RIMS2: variants seen among roughly 807,000 people sequenced by gnomAD.
RIMS2 encodes regulating synaptic membrane exocytosis 2.
A neutral mutation model predicts 174.4 loss-of-function variants in RIMS2; 59 were observed. That is an observed-to-expected ratio of 0.34 (90% CI 0.27 to 0.42). The LOEUF (loss-of-function observed/expected upper bound fraction) is 0.42. RIMS2 is among the 10% of genes least tolerant of loss of function. The pLI is 1.00. For missense variants in RIMS2, 1,620 were observed against 1,666.3 expected (o/e 0.97, Z 0.48); for synonymous variants, 606 against 572.5 (o/e 1.06, Z -0.84).
At chr8:103,731,169 A>G (rs1479660474) in intron 2 of RIMS2, among the ~76,000 whole-genome samples, 3 of 152,174 alleles carry the variant, frequency 2.0e-5, no homozygotes, top group African/African-American at 4.8e-5. Context: ...TGTGGGAGCT[A>G]CAATTCATGG....
chr8:104,252,254 C>G (rs1469104884), downstream of RIMS2: 1 of 170,552 alleles, frequency 5.9e-6, no homozygotes, highest in East Asian at 1.6e-4. Flanking sequence ...GAGTGTAATC[C>G]TAGGAAGCAT....
intron 16 of RIMS2, among the ~76,000 whole-genome samples, chr8:103,986,196 A>G (rs1191497703): frequency 6.6e-6 from 1 of 152,196 alleles, no homozygotes; most frequent in Non-Finnish European, 1.5e-5. Flanking sequence ...TATACCATAA[A>G]TATGTGCAAT....
At chr8:104,100,801 TA>T (rs1566388568) in intron 19 of RIMS2, among the ~76,000 whole-genome samples, 1 of 142,026 alleles carries the variant, frequency 7.0e-6, no homozygotes, top group Non-Finnish European at 1.5e-5. Context: ...TCCTGTTATA[TA>T]TATATTATAT....
chr8:103,690,502 A>T (rs367929484), intron 1 of RIMS2, among the ~76,000 whole-genome samples: 10 of 152,328 alleles, frequency 6.6e-5, no homozygotes, highest in African/African-American at 2.4e-4. Flanking sequence ...GTTAATAAAT[A>T]ACATCTTAGA....
intron 1 of RIMS2, among the ~76,000 whole-genome samples, chr8:103,591,472 A>G (rs1257482574): frequency 6.6e-6 from 1 of 151,056 alleles, no homozygotes; most frequent in South Asian, 2.1e-4. Flanking sequence ...TGTTTTTTCT[A>G]GAATACCTTT....
At chr8:103,790,682 C>G (rs908972030) in intron 3 of RIMS2, among the ~76,000 whole-genome samples, 7 of 152,080 alleles carry the variant, frequency 4.6e-5, no homozygotes, top group South Asian at 2.1e-4. Flanking sequence ...TGTTGAGCAT[C>G]TTTTCTTGTG....
intron 1 of RIMS2, among the ~76,000 whole-genome samples, chr8:103,667,744 T>C (rs2096690551): frequency 6.6e-6 from 1 of 152,214 alleles, no homozygotes; most frequent in South Asian, 2.1e-4. Context: ...TGATCTGTGA[T>C]CTTTGGAAAG....
At chr8:103,692,507 G>A (rs369403648) in intron 1 of RIMS2, among the ~76,000 whole-genome samples, 137 of 152,344 alleles carry the variant, frequency 9.0e-4, no homozygotes, top group African/African-American at 3.2e-3. Context: ...ATTTGTTGAA[G>A]CCAGCACATC....
At chr8:104,143,511 A>C (rs2098602949) in intron 19 of RIMS2, among the ~76,000 whole-genome samples, 1 of 152,174 alleles carries the variant, frequency 6.6e-6, no homozygotes, top group Non-Finnish European at 1.5e-5. Flanking sequence ...GTATTCAGTT[A>C]ATTTGTGGCA....
At chr8:103,740,400 G>T (rs963923957) in intron 2 of RIMS2, among the ~76,000 whole-genome samples, 1 of 152,268 alleles carries the variant, frequency 6.6e-6, no homozygotes, top group East Asian at 1.9e-4. Context: ...GCCTTAGTAG[G>T]CAACGCCTGG....
At chr8:103,937,249 G>A (rs1281057843) in intron 13 of RIMS2, among the ~76,000 whole-genome samples, 6 of 152,264 alleles carry the variant, frequency 3.9e-5, no homozygotes, top group East Asian at 1.9e-4. Context: ...GTGGTTCTAC[G>A]TATTCTGACA....
intron 12 of RIMS2, among the ~76,000 whole-genome samples, chr8:103,934,026 T>A (rs1374762029): frequency 6.6e-6 from 1 of 152,178 alleles, no homozygotes; most frequent in Non-Finnish European, 1.5e-5. Flanking sequence ...TACTGTGTAC[T>A]CTAAAAAATA....
intron 1 of RIMS2, among the ~76,000 whole-genome samples, chr8:103,546,546 C>G (rs1345715499): frequency 2.0e-5 from 3 of 152,166 alleles, no homozygotes; most frequent in Non-Finnish European, 4.4e-5. Flanking sequence ...CAGACAGCTA[C>G]AGAACTCTTC....
chr8:103,735,039 C>G (rs1564448291), intron 2 of RIMS2, among the ~76,000 whole-genome samples: 1 of 152,178 alleles, frequency 6.6e-6, no homozygotes, highest in African/African-American at 2.4e-5. Context: ...TGCAGGGATA[C>G]TAACACTGCT....
intron 1 of RIMS2, among the ~76,000 whole-genome samples, chr8:103,665,458 G>T (rs1011925173): frequency 2.6e-5 from 4 of 152,150 alleles, no homozygotes; most frequent in Non-Finnish European, 4.4e-5. Flanking sequence ...TGTGACTTCT[G>T]GCATCAAGTC....
chr8:103,787,278 G>A (rs2098452860), intron 3 of RIMS2, among the ~76,000 whole-genome samples: 1 of 151,630 alleles, frequency 6.6e-6, no homozygotes, highest in African/African-American at 2.4e-5. Context: ...TACATTTAAA[G>A]TTAATATTGT....
In RIMS2 at chr8:104,088,291, G is replaced by A. The variant is rs77448033; in HGVS notation, c.3334+73676G>A. ...TCGATTATGACATGAAATAAAAACA[G>A]GATGACGAAAATGCACATGGTTATT... On this transcript the variant is annotated intron_variant, in intron 19 of 23. Transcript: ENST00000504942. Among the ~76,000 whole-genome samples, 280 of 152,034 alleles carry A rather than the reference G, an allele frequency of 1.8e-3. 1 individual carries two copies. Among genetic ancestry groups the A allele is most frequent in the African/African-American group, 6.2e-3 (258 of 41,514 alleles).
intron 1 of RIMS2, among the ~76,000 whole-genome samples, chr8:103,661,785 G>A (rs952447042): frequency 7.2e-5 from 11 of 152,316 alleles, no homozygotes; most frequent in Admixed American, 3.3e-4. Context: ...GATTACAGGC[G>A]TGAGCCACTG....
intron 19 of RIMS2, among the ~76,000 whole-genome samples, chr8:104,049,981 G>T (rs1360243636): frequency 6.6e-6 from 1 of 152,084 alleles, no homozygotes; most frequent in Non-Finnish European, 1.5e-5. Flanking sequence ...GATTTCAGGT[G>T]TTAGTAGTGA....
Sources: gnomAD v4.1 joint callset for allele counts (sites outside exome capture counted in the v4.1 genomes callset) on GRCh38, gnomAD v4.1.1 for gene constraint, MANE v1.5 for transcripts, NCBI Gene and HGNC (gene_info 2026-07-23, HGNC 2026-07-21) for gene names.